Variants in SCLT1 observed in about 807,000 individuals in gnomAD.
The protein encoded by SCLT1 is sodium channel-associated protein 1.
Under a neutral mutation model 112.8 loss-of-function variants are expected in SCLT1, and 78 were observed. That is an observed-to-expected ratio of 0.69 (90% CI 0.58 to 0.83). The LOEUF is 0.83. Ranked by LOEUF, SCLT1 falls within the 40% of genes least tolerant of loss-of-function variation. The probability of loss-of-function intolerance (pLI) is 0.00; values close to 1 mark genes in which losing one functional copy is unlikely to be tolerated. For missense variants in SCLT1, 747 were observed against 770.4 expected, an observed-to-expected ratio of 0.97 and a Z score of 0.36; for synonymous variants, 257 against 254.7, an observed-to-expected ratio of 1.01 and a Z score of -0.09.
intron 18 of SCLT1, among the ~76,000 whole-genome samples, chr4:128,933,775 CTCTTT>C (rs1736966894): frequency 6.6e-6 from 1 of 152,036 alleles, no homozygotes; most frequent in African/African-American, 2.4e-5. Context: ...TGAGTTTCTT[CTCTTT>C]TATGATGAAA....
chr4:129,039,978 C>A, intron 4 of SCLT1: 2 of 509,626 alleles, frequency 3.9e-6, no homozygotes, highest in Non-Finnish European at 3.6e-6. Flanking sequence ...TCACTTAAAA[C>A]GGTAACTAAT....
At position 128,890,635 on chromosome 4, in the gene SCLT1, T is replaced by G. The variant is rs1358142610; in HGVS notation, c.1908+424A>C. Among the ~76,000 whole-genome samples the G allele has an allele frequency of 3.3e-5, 5 of 152,208 alleles. 1 individual carries two copies. Among genetic ancestry groups the G allele is most frequent in the African/African-American group, 4.8e-5 (2 of 41,464 alleles). On this transcript the variant is annotated intron_variant, in intron 19 of 20. Coordinates refer to ENST00000281142, the MANE Select transcript of SCLT1 (RefSeq NM_144643.4). ...GCCTCAAGGAAAAAAACTTGAACTCTTGCTATATTTAGTTCTAAGGCATAA... is the reference window on the plus strand; with the variant it reads ...GCCTCAAGGAAAAAAACTTGAACTCGTGCTATATTTAGTTCTAAGGCATAA...
At chr4:128,927,511 G>T (rs56412705) in intron 18 of SCLT1, among the ~76,000 whole-genome samples, 1 of 151,860 alleles carries the variant, frequency 6.6e-6, no homozygotes, top group Non-Finnish European at 1.5e-5. Flanking sequence ...GGAGGTGGAG[G>T]TTGCAGTGAG....
Position 128,946,056 on chromosome 4 carries a change from G to A in SCLT1, c.1390C>T (p.Gln464Ter). The change falls in exon 16 of 21, where the codon CAG (glutamine) becomes TAG (stop). Residue 464 changes from glutamine to a stop codon, truncating the protein, a stop_gained. Coordinates refer to ENST00000281142, the MANE Select transcript of SCLT1 (RefSeq NM_144643.4). LOFTEE classifies it high-confidence loss of function. ...LVSERSKDDLQLRLTRAENRI... is the reference protein window; with the variant it reads ...LVSERSKDDL Reference sequence around the variant, plus strand: ...TTTTCTGCTCTCGTAAGTCTTAGCTGAAGATCATCTTTTGAACGCTCTGAA... The same window carrying A: ...TTTTCTGCTCTCGTAAGTCTTAGCTAAAGATCATCTTTTGAACGCTCTGAA... 1 of 1,611,488 alleles carries A rather than the reference G, an allele frequency of 6.2e-7. No homozygotes were observed. Among genetic ancestry groups the A allele is most frequent in the Non-Finnish European group, 8.5e-7 (1 of 1,177,968 alleles).
intron 17 of SCLT1, 22 bp downstream of exon 17, chr4:128,942,974 T>G (rs747530528): frequency 6.4e-7 from 1 of 1,552,274 alleles, no homozygotes. Flanking sequence ...AAGTACACAT[T>G]TAACTCTAGT....
At chr4:128,932,809 T>A (rs538301817) in intron 18 of SCLT1, among the ~76,000 whole-genome samples, 1 of 152,158 alleles carries the variant, frequency 6.6e-6, no homozygotes, top group African/African-American at 2.4e-5. Flanking sequence ...TTAACAGCAA[T>A]CTATCTGAAA....
At chr4:128,873,343 T>C (rs1732351741) in intron 5 of SCLT1, 1 of 133,146 alleles carries the variant, frequency 7.5e-6, no homozygotes, top group African/African-American at 2.8e-5. Context: ...TTAAAAACAA[T>C]AGAAAGGCAA....
chr4:128,996,148 T>C (rs1209428232), intron 8 of SCLT1, among the ~76,000 whole-genome samples: 1 of 152,038 alleles, frequency 6.6e-6, no homozygotes, highest in Non-Finnish European at 1.5e-5. Context: ...ACAGGGTGCC[T>C]AGCAAGAGAG....
chr4:129,004,339 A>G (rs1560952141), intron 5 of SCLT1, among the ~76,000 whole-genome samples: 1 of 152,156 alleles, frequency 6.6e-6, no homozygotes, highest in Non-Finnish European at 1.5e-5. Context: ...AATTCCAGTT[A>G]ACAAGCAAAG....
rs1017260897 is a variant in SCLT1, at chr4:128,948,625, G to C, written c.1219-55C>G. On this transcript the variant is annotated intron_variant, in intron 14 of 20. Coordinates refer to ENST00000281142, the MANE Select transcript of SCLT1 (RefSeq NM_144643.4). Reference sequence around the variant, plus strand: ...TACATTTGGTAACATCTTAAGAAAAGTGGGGAAAAATTATAATTTGTTCAT... The same window carrying C: ...TACATTTGGTAACATCTTAAGAAAACTGGGGAAAAATTATAATTTGTTCAT... 7.1e-6 allele frequency: 9 copies of C among 1,275,036 alleles called. No individual in the cohort carries two copies. In the African/African-American group the frequency reaches 1.2e-4, roughly 17 times the overall value. The allele number at this position is 1,275,036 out of a possible 1,614,324, so 79.0% of individuals were successfully genotyped here.
intron 18 of SCLT1, among the ~76,000 whole-genome samples, chr4:128,901,362 T>C (rs901657321): frequency 1.3e-5 from 2 of 152,144 alleles, no homozygotes; most frequent in Non-Finnish European, 2.9e-5. Context: ...TGAGTTCATG[T>C]CCTTTGTAGG....
At chr4:128,889,645 C>T (rs1733159004) in intron 19 of SCLT1, among the ~76,000 whole-genome samples, 1 of 152,214 alleles carries the variant, frequency 6.6e-6, no homozygotes, top group Non-Finnish European at 1.5e-5. Flanking sequence ...TCACAACATA[C>T]TGTCAGACAG....
At chr4:128,922,048 C>A (rs113186492) in intron 18 of SCLT1, among the ~76,000 whole-genome samples, 1 of 152,040 alleles carries the variant, frequency 6.6e-6, no homozygotes, top group Non-Finnish European at 1.5e-5. Context: ...TGAAAAAATG[C>A]CCAACATCAC....
At chr4:128,949,177 T>C (rs1738468040) in intron 14 of SCLT1, among the ~76,000 whole-genome samples, 1 of 151,784 alleles carries the variant, frequency 6.6e-6, no homozygotes, top group South Asian at 2.1e-4. Flanking sequence ...TTATTTGTAT[T>C]TATACATTTA....
chr4:129,018,941 T>A (rs1478062280), intron 5 of SCLT1, among the ~76,000 whole-genome samples: 1 of 152,114 alleles, frequency 6.6e-6, no homozygotes, highest in Non-Finnish European at 1.5e-5. Flanking sequence ...TTAAATTTTT[T>A]AAAAAGAAAA....
intron 2 of SCLT1, among the ~76,000 whole-genome samples, chr4:129,075,434 T>C (rs538404144): frequency 1.3e-5 from 2 of 152,274 alleles, no homozygotes; most frequent in African/African-American, 4.8e-5. Flanking sequence ...ATGTGTTAAA[T>C]CATCAATCTC....
chr4:128,993,516 C>T (rs1390576956), intron 8 of SCLT1, among the ~76,000 whole-genome samples: 2 of 151,996 alleles, frequency 1.3e-5, no homozygotes, highest in African/African-American at 2.4e-5. Flanking sequence ...GAATCTAGTG[C>T]TGGAAACCAA....
intron 1 of SCLT1, among the ~76,000 whole-genome samples, chr4:129,083,630 G>A (rs1365417423): frequency 1.3e-5 from 2 of 151,516 alleles, no homozygotes; most frequent in African/African-American, 2.4e-5. Flanking sequence ...ATTGCACTAC[G>A]CTCCAGCCTG....
chr4:129,004,421 A>T (rs1306460329), intron 5 of SCLT1, among the ~76,000 whole-genome samples: 1 of 152,116 alleles, frequency 6.6e-6, no homozygotes, highest in African/African-American at 2.4e-5. Flanking sequence ...CTTATATAAG[A>T]TCAACAATAA....
Sources: gnomAD v4.1 joint callset for allele counts (sites outside exome capture counted in the v4.1 genomes callset) on GRCh38, gnomAD v4.1.1 for gene constraint, MANE v1.5 for transcripts, NCBI Gene and HGNC (gene_info 2026-07-23, HGNC 2026-07-21) for gene names.